The following GABBR1 variants were observed in gnomAD, a reference collection of about 807,000 sequenced individuals.
GABBR1 encodes the protein gamma-aminobutyric acid type B receptor subunit 1.
A neutral mutation model predicts 117.7 loss-of-function variants in GABBR1; 35 were observed. The ratio of observed to expected loss-of-function variants is 0.30; its 90% CI spans 0.23 to 0.39. The LOEUF is 0.39. Among genes scored for constraint, GABBR1 ranks in the 10% least tolerant of loss-of-function variants. The pLI, the probability that GABBR1 is intolerant of heterozygous loss-of-function variation, is 1.00. For synonymous variants in GABBR1, 442 were observed against 486.6 expected (o/e 0.91, Z 1.21); for missense variants, 709 against 1,241.8 (o/e 0.57, Z 6.45).
At chr6:29,610,812 C>T (rs573079786) in intron 14 of GABBR1, 112 bp downstream of exon 14, 5 of 904,468 alleles carry the variant, frequency 5.5e-6, no homozygotes, top group Admixed American at 1.9e-5. Flanking sequence ...GCCCAGCTGC[C>T]AGCCACATTC....
Position 29,620,257 on chromosome 6 carries a change from G to C in GABBR1, c.1323+844C>G, listed in dbSNP as rs1012272868. ...AGAATCCCTGAAATCATGAATCTAA[G>C]TACCACACAAATGCCACTGTTAGTA... is the stretch of plus-strand genomic sequence containing the variant. On this transcript the variant is annotated intron_variant, in intron 11 of 22. Coordinates refer to ENST00000377034, the MANE Select transcript of GABBR1 (RefSeq NM_001470.4). This position sits in a 1 kb window ranked among gnomAD's most constrained non-coding sequence, Gnocchi z 4.5. Among the ~76,000 whole-genome samples, 19 of 152,196 alleles carry C rather than the reference G, an allele frequency of 1.2e-4. No individual in the cohort carries two copies. The highest frequency in any genetic ancestry group is 2.2e-4 in the Non-Finnish European group (15 of 68,036).
chr6:29,610,451 TA>T (rs1440152548), intron 14 of GABBR1, among the ~76,000 whole-genome samples: 1 of 152,164 alleles, frequency 6.6e-6, no homozygotes, highest in Non-Finnish European at 1.5e-5. Flanking sequence ...GGAAAATTTT[TA>T]AAAATACATA....
chr6:29,621,234 G>C lies in GABBR1; in HGVS notation c.1190C>G (p.Ala397Gly). The C allele has an allele frequency of 6.2e-7, 1 of 1,613,004 alleles. No homozygotes were observed. Among genetic ancestry groups the C allele is most frequent in the Non-Finnish European group, 8.5e-7 (1 of 1,180,002 alleles). Residue 397 changes from alanine (A) to glycine (G), a missense_variant, in exon 11 of 23, where the codon GCT (alanine) becomes GGT (glycine). Coordinates refer to ENST00000377034, the MANE Select transcript of GABBR1 (RefSeq NM_001470.4). This position sits in a 1 kb window ranked among gnomAD's most constrained non-coding sequence, Gnocchi z 5.0. ...KYVWFLIGWY[A>G]DNWFKIYDPS... ...GTCGTAGATCTTGAACCAATTGTCA[G>C]CATACCACCCAATGAGGAACCAGAC...
Position 29,623,611 on chromosome 6 carries a change from G to A in GABBR1, c.793-136C>T, listed in dbSNP as rs1763978433. On this transcript the variant is annotated intron_variant, in intron 7 of 22. Transcript: ENST00000377034. The surrounding 1 kb of genome is among the most constrained non-coding windows in gnomAD (Gnocchi z 6.2). ...CTCCAAACCTCCCCACCTCTGGTCT[G>A]CCTAAGGAAAAGAGATTCTCAAAGG... 1.1e-6 allele frequency: 1 copy of A among 879,624 alleles called. No individual in the cohort carries two copies. Among genetic ancestry groups the A allele is most frequent in the Non-Finnish European group, 1.7e-6 (1 of 585,366 alleles). The allele number at this position is 879,624 out of a possible 1,614,324, so 54.5% of individuals were successfully genotyped here. A position where few individuals can be genotyped will look rare whatever the true frequency, so the allele number is the denominator to read the frequency against.
In GABBR1 at chr6:29,607,290, ACC is replaced by A; in HGVS notation, c.1993-74_1993-73del. The A allele has an allele frequency of 2.4e-6, 3 of 1,227,866 alleles. No homozygotes were observed. Among genetic ancestry groups the A allele is most frequent in the South Asian group, 2.4e-5 (2 of 83,310 alleles). 76.1% of individuals were successfully genotyped at this position (1,227,866 alleles called of 1,614,324 possible). A position where few individuals can be genotyped will look rare whatever the true frequency, so the allele number is the denominator to read the frequency against. ...CGGGACTGCAGTAAGGATGGGCAGA[ACC>A]CTAAGGGAGAGTGGGCAGGGAGCAC... On this transcript the variant is annotated intron_variant, in intron 16 of 22. Transcript: ENST00000377034. This position sits in a 1 kb window ranked among gnomAD's most constrained non-coding sequence, Gnocchi z 5.0.
chr6:29,628,416 G>A (rs566304551), intron 5 of GABBR1, among the ~76,000 whole-genome samples: 2 of 152,184 alleles, frequency 1.3e-5, no homozygotes, highest in South Asian at 2.1e-4. Flanking sequence ...TCTGAAGTGG[G>A]AGTATGAGTC....
rs370705474 is a variant in GABBR1 at position 29,605,029 on chromosome 6, G to A, written c.2440-41C>T. 95 of 1,566,690 alleles carry A rather than the reference G, an allele frequency of 6.1e-5. No individual in the cohort carries two copies. The highest frequency in any genetic ancestry group is 7.7e-5 in the Non-Finnish European group (89 of 1,159,268). On this transcript the variant is annotated intron_variant, in intron 20 of 22. Transcript: ENST00000377034. This position sits in a 1 kb window ranked among gnomAD's most constrained non-coding sequence, Gnocchi z 4.2. Reference sequence around the variant, plus strand: ...CATTGAGGGAGTCTCAGGTCTGCAGGCTCAGACAAGATCCAGAGTTTACTT... The same window carrying A: ...CATTGAGGGAGTCTCAGGTCTGCAGACTCAGACAAGATCCAGAGTTTACTT...
At chr6:29,612,380 C>G (rs1762638129) in intron 13 of GABBR1, among the ~76,000 whole-genome samples, 171 bp downstream of exon 13, 1 of 151,892 alleles carries the variant, frequency 6.6e-6, no homozygotes, top group African/African-American at 2.4e-5. Flanking sequence ...TGTAGTTAAG[C>G]TTATTATTAT....
Position 29,628,036 on chromosome 6 carries a change from G to C in GABBR1, c.497-390C>G, listed in dbSNP as rs111685103. On this transcript the variant is annotated intron_variant, in intron 5 of 22. Coordinates refer to ENST00000377034, the MANE Select transcript of GABBR1 (RefSeq NM_001470.4). ...ACTGACCGACGGAGGGGAGGAGGAG[G>C]AGCAGGAGGGAGATGTGGGGCTGGG... is the stretch of plus-strand genomic sequence containing the variant. 4.8e-5 allele frequency: 58 copies of C among 1,211,910 alleles called. 1 individual carries two copies. The African/African-American group carries it at 6.7e-4, about 14-fold the overall frequency. 75.1% of individuals were successfully genotyped at this position (1,211,910 alleles called of 1,614,324 possible).
At chr6:29,624,090 C>T in intron 6 of GABBR1, 66 bp from the exon 7 acceptor site, 1 of 1,434,378 alleles carries the variant, frequency 7.0e-7, no homozygotes, top group Non-Finnish European at 9.4e-7. Flanking sequence ...AATTCCTGCT[C>T]TTATCTTTCT....
In GABBR1 at chr6:29,632,628, C is replaced by A; in HGVS notation, c.-1+222G>T. On this transcript the variant is annotated intron_variant, in intron 1 of 22. Coordinates refer to ENST00000377034, the MANE Select transcript of GABBR1 (RefSeq NM_001470.4). The surrounding 1 kb of genome is among the most constrained non-coding windows in gnomAD (Gnocchi z 5.8). ...GGCCCCCAACCCTCCCGGGACTCCA[C>A]CTCTCACCACCTCCTCTCCCCCGGC... 6 of 1,399,204 alleles carry A rather than the reference C, an allele frequency of 4.3e-6. No individual in the cohort carries two copies. In the South Asian group the frequency reaches 6.6e-5, roughly 15 times the overall value. The allele number at this position is 1,399,204 out of a possible 1,614,324, so 86.7% of individuals were successfully genotyped here.
chr6:29,622,163 C>T lies in GABBR1; in HGVS notation c.1006G>A (p.Glu336Lys), dbSNP rs753628616. The T allele has an allele frequency of 1.2e-6, 2 of 1,614,192 alleles. No homozygotes were observed. The highest frequency in any genetic ancestry group is 1.7e-6 in the Non-Finnish European group (2 of 1,180,030). The change falls in exon 9 of 23, where the codon GAG becomes AAG. Residue 336 changes from glutamate to lysine, a missense_variant. Transcript: ENST00000377034. This position sits in a 1 kb window ranked among gnomAD's most constrained non-coding sequence, Gnocchi z 4.6. ...LEERVKEAGI[E>K]ITFRQSFFSD... The stretch of plus-strand genomic sequence containing the variant: ...AAGAAACTCTGGCGGAAAGTAATCT[C>T]AATTCCAGCCTCCTTCACTCGTTCC...
chr6:29,612,924 AT>A (rs1247117628), intron 12 of GABBR1, among the ~76,000 whole-genome samples: 6 of 152,200 alleles, frequency 3.9e-5, no homozygotes, highest in African/African-American at 1.4e-4. Context: ...TAATCTTTTC[AT>A]TTTAAAAGGA....
Position 29,627,450 on chromosome 6 carries a change from C to A in GABBR1, c.657+36G>T. On this transcript the variant is annotated intron_variant, in intron 6 of 22. Transcript: ENST00000377034. This position sits in a 1 kb window ranked among gnomAD's most constrained non-coding sequence, Gnocchi z 4.4. ...GCTGGCTGGCCCCCTGCCCCGCAAG[C>A]CCCCACCTCCCACCCACCCCCATGT... 2.4e-6 allele frequency: 3 copies of A among 1,259,884 alleles called. No individual in the cohort carries two copies. The highest frequency in any genetic ancestry group is 1.1e-6 in the Non-Finnish European group (1 of 895,014). The allele number at this position is 1,259,884 out of a possible 1,614,324, so 78.0% of individuals were successfully genotyped here. A position where few individuals can be genotyped will look rare whatever the true frequency, so the allele number is the denominator to read the frequency against.
rs1205058285 is a variant in GABBR1 at position 29,607,376 on chromosome 6, G to A, written c.1993-158C>T. ...CGAAAATGTGAGCAGGACGGGGAGC[G>A]GCAGGAGGAGAGCAGTCTCCCCACC... is the stretch of plus-strand genomic sequence containing the variant. On this transcript the variant is annotated intron_variant, in intron 16 of 22. Coordinates refer to ENST00000377034, the MANE Select transcript of GABBR1 (RefSeq NM_001470.4). This position sits in a 1 kb window ranked among gnomAD's most constrained non-coding sequence, Gnocchi z 5.0. 6.6e-6 allele frequency among the ~76,000 whole-genome samples: 1 copy of A among 152,050 alleles called. No homozygotes were observed. The highest frequency in any genetic ancestry group is 1.5e-5 in the Non-Finnish European group (1 of 67,996).
Position 29,623,514 on chromosome 6 carries a change from A to C in GABBR1, c.793-39T>G. On this transcript the variant is annotated intron_variant, in intron 7 of 22. Coordinates refer to ENST00000377034, the MANE Select transcript of GABBR1 (RefSeq NM_001470.4). The surrounding 1 kb of genome is among the most constrained non-coding windows in gnomAD (Gnocchi z 6.2). ...AGAGTGAGTGCAACAGGGTCTGTTC[A>C]CTGAGGACACCAAGAGTGGCCAAGA... 6.2e-7 allele frequency: 1 copy of C among 1,600,058 alleles called. No homozygotes were observed. Among genetic ancestry groups the C allele is most frequent in the Non-Finnish European group, 8.5e-7 (1 of 1,170,530 alleles).
rs1761484708 is a variant in GABBR1 at position 29,602,646 on chromosome 6, G to C, written c.*897C>G. 3.7e-6 allele frequency: 1 copy of C among 268,442 alleles called. No homozygotes were observed. The highest frequency in any genetic ancestry group is 7.2e-6 in the Non-Finnish European group (1 of 137,974). 16.6% of individuals were successfully genotyped at this position (268,442 alleles called of 1,614,324 possible). On this transcript the variant is annotated 3_prime_UTR_variant, in exon 23 of 23. Transcript: ENST00000377034. ...TGCAGGGTAGGGTACATATGGCTCT[G>C]TCAGAAGAATACCATGATTTAAGGG...
rs1157221698 is a variant in GABBR1 at position 29,624,055 on chromosome 6, C to T, written c.658-31G>A. On this transcript the variant is annotated intron_variant, in intron 6 of 22. Transcript: ENST00000377034. ...AGACAAGAGGAGATGAGGGCAAGCT[C>T]TCCTGGGGCCCCTCCCCTGTCTGCA... The T allele has an allele frequency of 4.5e-6, 7 of 1,568,790 alleles. No individual in the cohort carries two copies. In the African/African-American group the frequency reaches 8.1e-5, roughly 18 times the overall value.
intron 12 of GABBR1, 123 bp from the exon 13 acceptor site, chr6:29,612,737 T>C: frequency 3.4e-6 from 3 of 877,014 alleles, no homozygotes; most frequent in South Asian, 1.4e-5. Flanking sequence ...ATGCTATTTA[T>C]GGCATTTGCC....
Sources: allele counts gnomAD v4.1 joint callset (sites outside exome capture counted in the v4.1 genomes callset), GRCh38; gene constraint gnomAD v4.1.1; non-coding constraint Gnocchi (gnomAD v3.1); transcripts MANE v1.5; gene names NCBI Gene and HGNC (gene_info 2026-07-23, HGNC 2026-07-21).